Variants in MAN1A2 observed in about 807,000 individuals in gnomAD.
MAN1A2 encodes the protein mannosyl-oligosaccharide 1,2-alpha-mannosidase IB.
MAN1A2 carries 26 observed loss-of-function variants against 75.7 expected under a neutral mutation model. That is an observed-to-expected ratio of 0.34 (90% CI 0.25 to 0.48). The LOEUF is 0.48. Ranked by LOEUF, MAN1A2 falls within the 20% of genes least tolerant of loss-of-function variation. The pLI is 0.99. For synonymous variants in MAN1A2, 247 were observed against 264.6 expected, an observed-to-expected ratio of 0.93 and a Z score of 0.65; for missense variants, 562 against 775.5, an observed-to-expected ratio of 0.72 and a Z score of 3.27.
chr1:117,382,216 G>A (rs1379876713), intron 1 of MAN1A2, among the ~76,000 whole-genome samples: 1 of 152,154 alleles, frequency 6.6e-6, no homozygotes, highest in African/African-American at 2.4e-5. Flanking sequence ...TTTGGCTTTT[G>A]TTGCCATTGC....
chr1:117,378,252 G>A (rs1413421794), intron 1 of MAN1A2, among the ~76,000 whole-genome samples: 1 of 152,084 alleles, frequency 6.6e-6, no homozygotes, highest in Non-Finnish European at 1.5e-5. Flanking sequence ...CCCTTCTTGA[G>A]GTAAATTCCT....
chr1:117,474,537 A>C (rs1650258099), intron 8 of MAN1A2, among the ~76,000 whole-genome samples: 1 of 151,434 alleles, frequency 6.6e-6, no homozygotes, highest in Non-Finnish European at 1.5e-5. Context: ...TATCTTTAGT[A>C]AAAATAGTAT....
chr1:117,383,356 T>C (rs887214122), intron 1 of MAN1A2, among the ~76,000 whole-genome samples: 3 of 152,212 alleles, frequency 2.0e-5, no homozygotes, highest in Non-Finnish European at 2.9e-5. Flanking sequence ...GCTGTTGGAT[T>C]CAGTTTGCTA....
At chr1:117,482,214 A>G (rs558282038) in intron 8 of MAN1A2, among the ~76,000 whole-genome samples, 1 of 152,042 alleles carries the variant, frequency 6.6e-6, no homozygotes, top group Admixed American at 6.6e-5. Flanking sequence ...ATGATTTATA[A>G]TCCTTTGGGT....
chr1:117,459,859 G>A (rs1027967061), intron 6 of MAN1A2, among the ~76,000 whole-genome samples: 13 of 152,052 alleles, frequency 8.5e-5, no homozygotes, highest in African/African-American at 2.7e-4. Context: ...CACTATCATC[G>A]TTTGGTGCAA....
chr1:117,430,168 G>A (rs1343105725), intron 5 of MAN1A2, among the ~76,000 whole-genome samples: 17 of 87,394 alleles, frequency 1.9e-4, no homozygotes, highest in Non-Finnish European at 3.5e-4. Context: ...GGGCAGAGGC[G>A]CCCCTCACCT....
rs555954460 is a variant in MAN1A2, at chr1:117,437,043, A to T, written c.856-5188A>T. On this transcript the variant is annotated intron_variant, in intron 5 of 12. Coordinates refer to ENST00000356554, the MANE Select transcript of MAN1A2 (RefSeq NM_006699.5). ...TGTGTTAACCCTCAGTTTTGCAGTG[A>T]CCTTCACTTGGTTCTGAGGAACAGC... is the stretch of plus-strand genomic sequence containing the variant. 2.6e-5 allele frequency among the ~76,000 whole-genome samples: 4 copies of T among 152,280 alleles called. No individual in the cohort carries two copies. The South Asian group carries it at 8.3e-4, about 32-fold the overall frequency.
intron 8 of MAN1A2, among the ~76,000 whole-genome samples, chr1:117,468,042 A>C (rs529189673): frequency 6.6e-6 from 1 of 152,312 alleles, no homozygotes; most frequent in African/African-American, 2.4e-5. Context: ...CCTCTGTATT[A>C]GTCTGTTCTC....
intron 8 of MAN1A2, among the ~76,000 whole-genome samples, chr1:117,481,461 G>A (rs1650495319): frequency 6.6e-6 from 1 of 151,872 alleles, no homozygotes; most frequent in South Asian, 2.1e-4. Flanking sequence ...CCAAAAAAAG[G>A]ACAATGTACT....
chr1:117,382,615 T>A (rs1337565766), intron 1 of MAN1A2, among the ~76,000 whole-genome samples: 1 of 152,210 alleles, frequency 6.6e-6, no homozygotes, highest in African/African-American at 2.4e-5. Context: ...TCAGGTAGCA[T>A]GATGCCGCCA....
rs1570789162 is a variant in MAN1A2 at position 117,492,679 on chromosome 1, G to A, written c.1169-468G>A. Among the ~76,000 whole-genome samples the A allele has an allele frequency of 3.3e-5, 5 of 151,992 alleles. No homozygotes were observed. The South Asian group carries it at 1.0e-3, about 32-fold the overall frequency. ...TTGGGCTTTTTTTCTTTTTGTAGAT[G>A]TATTTTAATTTATTATCTTTGGCTT... is the stretch of plus-strand genomic sequence containing the variant. On this transcript the variant is annotated intron_variant, in intron 8 of 12. Transcript: ENST00000356554.
At chr1:117,399,664 A>T (rs1212444915) in intron 1 of MAN1A2, among the ~76,000 whole-genome samples, 10 of 152,156 alleles carry the variant, frequency 6.6e-5, no homozygotes, top group Non-Finnish European at 1.3e-4. Flanking sequence ...TTCTGTCCTG[A>T]ACCATGTTGG....
Position 117,370,215 on chromosome 1 carries a change from G to A in MAN1A2, c.302+1730G>A, listed in dbSNP as rs573450219. Among the ~76,000 whole-genome samples the A allele has an allele frequency of 3.9e-5, 6 of 152,252 alleles. No individual in the cohort carries two copies. In the South Asian group the frequency reaches 1.2e-3, roughly 32 times the overall value. ...TGTATTTAGCTATCTAAAACTATTG[G>A]GTTCCTGAGTTTGGAATGAGAGATT... On this transcript the variant is annotated intron_variant, in intron 1 of 12. Coordinates refer to ENST00000356554, the MANE Select transcript of MAN1A2 (RefSeq NM_006699.5).
At chr1:117,393,232 TA>T (rs374094969) in intron 1 of MAN1A2, among the ~76,000 whole-genome samples, 42 of 152,374 alleles carry the variant, frequency 2.8e-4, no homozygotes, top group African/African-American at 8.4e-4. Context: ...TCCCTTATAA[TA>T]ACACCATTTT....
chr1:117,375,120 C>T (rs1443140711), intron 1 of MAN1A2, among the ~76,000 whole-genome samples: 2 of 152,052 alleles, frequency 1.3e-5, no homozygotes, highest in East Asian at 1.9e-4. Flanking sequence ...ATTTCTTGAG[C>T]CCAGTTATCA....
chr1:117,399,566 T>C (rs1647340781), intron 1 of MAN1A2, among the ~76,000 whole-genome samples: 1 of 152,178 alleles, frequency 6.6e-6, no homozygotes, highest in Non-Finnish European at 1.5e-5. Context: ...AGAATACCCA[T>C]TGATAGTTAC....
intron 1 of MAN1A2, among the ~76,000 whole-genome samples, chr1:117,394,743 G>C (rs1001628951): frequency 6.6e-6 from 1 of 152,188 alleles, no homozygotes; most frequent in Non-Finnish European, 1.5e-5. Flanking sequence ...ATTTTTAACA[G>C]TGGTGGATAG....
intron 5 of MAN1A2, among the ~76,000 whole-genome samples, chr1:117,434,040 C>A (rs1403005244): frequency 3.9e-5 from 6 of 152,128 alleles, no homozygotes; most frequent in African/African-American, 9.7e-5. Context: ...ATGACAGTTT[C>A]CATAGAAAGT....
At chr1:117,453,252 C>CT (rs1392633869) in intron 6 of MAN1A2, among the ~76,000 whole-genome samples, 1 of 152,176 alleles carries the variant, frequency 6.6e-6, no homozygotes, top group African/African-American at 2.4e-5. Flanking sequence ...GATTAAGACT[C>CT]TCAAGTCTTA....
Sources: gnomAD v4.1 joint callset for allele counts (sites outside exome capture counted in the v4.1 genomes callset) on GRCh38, gnomAD v4.1.1 for gene constraint, MANE v1.5 for transcripts, NCBI Gene and HGNC (gene_info 2026-07-23, HGNC 2026-07-21) for gene names.